Variants in PAEP observed in about 807,000 individuals in gnomAD.
PAEP encodes glycodelin.
A neutral mutation model predicts 23.0 loss-of-function variants in PAEP; 28 were observed. That is an observed-to-expected ratio of 1.22 (90% CI 0.90 to 1.67). The LOEUF (loss-of-function observed/expected upper bound fraction) is 1.67. Among genes scored for constraint, PAEP ranks in the 40% most tolerant of loss-of-function variants. The pLI is 0.00. For missense variants in PAEP, 209 were observed against 226.4 expected (o/e 0.92, Z 0.49); for synonymous variants, 103 against 92.4 (o/e 1.12, Z -0.66).
chr9:135,566,361 G>A (rs1160291685), intron 6 of PAEP, 192 bp from the exon 7 acceptor site: 1 of 155,208 alleles, frequency 6.4e-6, no homozygotes, highest in South Asian at 2.0e-4. Context: ...ATAGAAACGG[G>A]GTTTCACCAT....
chr9:135,565,652 G>A, intron 5 of PAEP, 133 bp from the exon 6 acceptor site: 1 of 1,359,736 alleles, frequency 7.4e-7, no homozygotes, highest in Non-Finnish European at 1.1e-6. Context: ...GCCTTCTGGG[G>A]TGCAGAGCCA....
intron 2 of PAEP, 125 bp downstream of exon 2, chr9:135,562,558 A>G: frequency 8.1e-7 from 1 of 1,228,346 alleles, no homozygotes; most frequent in Non-Finnish European, 1.1e-6. Context: ...CAGGGGCTTC[A>G]CTGTGGCCCT....
intron 6 of PAEP, 85 bp downstream of exon 6, chr9:135,565,886 G>T: frequency 7.0e-7 from 1 of 1,435,244 alleles, no homozygotes; most frequent in Non-Finnish European, 9.8e-7. Flanking sequence ...CCCTGGGACA[G>T]ACCCTACTGT....
intron 6 of PAEP, 147 bp downstream of exon 6, chr9:135,565,948 T>C: frequency 2.3e-6 from 2 of 887,398 alleles, no homozygotes; most frequent in Non-Finnish European, 3.7e-6. Context: ...GGTCTTGTGA[T>C]TCCAGAAAGC....
In PAEP at chr9:135,562,898, G is replaced by A. The variant is rs765490113; in HGVS notation, c.310+5G>A. 1.3e-5 allele frequency: 21 copies of A among 1,611,354 alleles called. No homozygotes were observed. Among genetic ancestry groups the A allele is most frequent in the Admixed American group, 1.7e-5 (1 of 59,998 alleles). ...CAAAGAAGTTCAAGATCAACTGTGA[G>A]TGTCCCCAGGCCCCAAGGGCTGGCT... On this transcript the variant is annotated splice_donor_5th_base_variant and intron_variant, in intron 3 of 6. Transcript: ENST00000479141.
intron 6 of PAEP, 60 bp downstream of exon 6, chr9:135,565,861 G>A: frequency 6.3e-7 from 1 of 1,594,696 alleles, no homozygotes; most frequent in Non-Finnish European, 8.6e-7. Context: ...ACTGTCTGCG[G>A]CTGCCTCTCT....
chr9:135,562,415 A>T lies in PAEP; in HGVS notation c.218A>T (p.Glu73Val), dbSNP rs1832347593. Residue 73 changes from glutamate (E) to valine (V), a missense_variant, in exon 2 of 7, where the codon GAG (glutamate) becomes GTG (valine). Coordinates refer to ENST00000479141, the MANE Select transcript of PAEP (RefSeq NM_002571.4). ...TTGCCCACCCCCGAGGACAACCTGG[A>T]GATCGTTCTGCACAGATGGTGGGTT... ...SLLPTPEDNLEIVLHRWENNS... is the reference protein window; with the variant it reads ...SLLPTPEDNLVIVLHRWENNS... The T allele has an allele frequency of 6.2e-7, 1 of 1,613,870 alleles. No homozygotes were observed. Among genetic ancestry groups the T allele is most frequent in the South Asian group, 1.1e-5 (1 of 91,058 alleles).
At chr9:135,564,927 G>T in intron 4 of PAEP, 1 of 965,228 alleles carries the variant, frequency 1.0e-6, no homozygotes, top group Non-Finnish European at 1.2e-6. Context: ...CTCACTGGGC[G>T]TCCAGTCAAA....
At chr9:135,565,654 G>A (rs771917399) in intron 5 of PAEP, 131 bp from the exon 6 acceptor site, 1 of 1,368,656 alleles carries the variant, frequency 7.3e-7, no homozygotes, top group South Asian at 1.2e-5. Context: ...CTTCTGGGGT[G>A]CAGAGCCACC....
rs1832536688 is a variant in PAEP, at chr9:135,565,512, A to G, written c.524A>G (p.Glu175Gly). 3 of 1,612,952 alleles carry G rather than the reference A, an allele frequency of 1.9e-6. No individual in the cohort carries two copies. The highest frequency in any genetic ancestry group is 2.5e-6 in the Non-Finnish European group (3 of 1,178,954). ...TACTTGCTGGACTTGAAACAGATGG[A>G]AGGTGAGCTCTGCCTAGGACACGCC... ...LWYLLDLKQM[E>G]EPCRF The change falls in exon 5 of 7, where the codon GAA (glutamate) becomes GGA (glycine). Residue 175 changes from glutamate (E) to glycine (G), a missense_variant and splice_region_variant. By Grantham distance (98) the Glu-to-Gly change is moderately conservative. Transcript: ENST00000479141.
intron 3 of PAEP, among the ~76,000 whole-genome samples, chr9:135,563,330 AC>A (rs1832406778): frequency 2.5e-5 from 3 of 122,438 alleles, no homozygotes; most frequent in Admixed American, 2.4e-4. Context: ...GGTTAGGTGA[AC>A]AGGTGGGCAG....
chr9:135,563,800 A>G (rs373410615), intron 3 of PAEP, among the ~76,000 whole-genome samples: 327 of 152,256 alleles, frequency 2.1e-3, no homozygotes, highest in East Asian at 5.8e-3. Flanking sequence ...CCCAGCAAAT[A>G]CAGTTTGCTT....
chr9:135,566,660 C>T lies in PAEP; in HGVS notation c.*108C>T, dbSNP rs1220803318. 2.6e-5 allele frequency: 4 copies of T among 154,958 alleles called. No homozygotes were observed. The highest frequency in any genetic ancestry group is 5.9e-5 in the Non-Finnish European group (4 of 68,284). 9.6% of individuals were successfully genotyped at this position (154,958 alleles called of 1,614,324 possible). A position where few individuals can be genotyped will look rare whatever the true frequency, so the allele number is the denominator to read the frequency against. On this transcript the variant is annotated 3_prime_UTR_variant, in exon 7 of 7. Transcript: ENST00000479141. ...ATAACCACAGCTCAGAAGACGATGA[C>T]GTGGTCATCTGTGTCGCCATCCCCT...
chr9:135,565,872 G>A, intron 6 of PAEP, 71 bp downstream of exon 6: 1 of 1,536,434 alleles, frequency 6.5e-7, no homozygotes. Context: ...CTGCCTCTCT[G>A]GGCCCCTGGG....
At chr9:135,563,238 G>A (rs1832397718) in intron 3 of PAEP, among the ~76,000 whole-genome samples, 1 of 151,738 alleles carries the variant, frequency 6.6e-6, no homozygotes, top group Middle Eastern at 3.2e-3. Context: ...AGGTGGGTAG[G>A]TGGGTAGGTG....
chr9:135,565,676 T>G, intron 5 of PAEP, 109 bp from the exon 6 acceptor site: 2 of 1,415,666 alleles, frequency 1.4e-6, no homozygotes. Context: ...TGAGGTGGGG[T>G]CCTGCCCTCT....
intron 3 of PAEP, among the ~76,000 whole-genome samples, chr9:135,563,507 C>G (rs114363945): frequency 2.1e-5 from 1 of 47,710 alleles, no homozygotes; most frequent in Non-Finnish European, 4.6e-5. Flanking sequence ...GGTAGGTGAA[C>G]AGGTGGGCAG....
In PAEP at chr9:135,564,101, T is replaced by C. The variant is rs112290006; in HGVS notation, c.311-143T>C. Reference sequence around the variant, plus strand: ...CCCCTTTCCTCCCTGGCTTCCCTGATCATGGTCCACAGCAGGGGCCACGTC... The same window carrying C: ...CCCCTTTCCTCCCTGGCTTCCCTGACCATGGTCCACAGCAGGGGCCACGTC... On this transcript the variant is annotated intron_variant, in intron 3 of 6. Transcript: ENST00000479141. 8,906 of 1,315,698 alleles carry C rather than the reference T, an allele frequency of 6.8e-3. 515 individuals carry two copies. The African/African-American group carries it at 0.12, about 17-fold the overall frequency. The allele number at this position is 1,315,698 out of a possible 1,614,324, so 81.5% of individuals were successfully genotyped here.
rs1263721185 is a variant in PAEP at position 135,564,485 on chromosome 9, GT to G, written c.421+139del. On this transcript the variant is annotated intron_variant, in intron 4 of 6. Coordinates refer to ENST00000479141, the MANE Select transcript of PAEP (RefSeq NM_002571.4). The stretch of plus-strand genomic sequence containing the variant: ...CTGTGGGCTGACTTTTTTTTTCTTG[GT>G]TTTTTTTATTTGTTTGTTGTTTGCT... The G allele has an allele frequency of 6.2e-6, 9 of 1,456,226 alleles. No homozygotes were observed. The East Asian group carries it at 1.0e-4, about 16-fold the overall frequency. 90.2% of individuals were successfully genotyped at this position (1,456,226 alleles called of 1,614,324 possible). A position where few individuals can be genotyped will look rare whatever the true frequency, so the allele number is the denominator to read the frequency against.
Sources: gnomAD v4.1 joint callset for allele counts (sites outside exome capture counted in the v4.1 genomes callset) on GRCh38, gnomAD v4.1.1 for gene constraint, MANE v1.5 for transcripts, NCBI Gene and HGNC (gene_info 2026-07-23, HGNC 2026-07-21) for gene names.